The following SDK1 variants were observed in gnomAD, a reference collection of about 807,000 sequenced individuals.
The protein encoded by SDK1 is sidekick cell adhesion molecule 1, also known as protein sidekick-1.
A neutral mutation model predicts 245.5 loss-of-function variants in SDK1; 157 were observed. The observed-to-expected ratio is 0.64, with a 90% CI of 0.56 to 0.73. SDK1 has a LOEUF of 0.73. SDK1 is among the 30% of genes least tolerant of loss of function. SDK1 has a pLI of 0.00. For synonymous variants in SDK1, 1,647 were observed against 1,278.5 expected, an observed-to-expected ratio of 1.29 and a Z score of -6.15; for missense variants, 3,583 against 3,002.3, an observed-to-expected ratio of 1.19 and a Z score of -4.52.
At chr7:3,549,926 G>C (rs919071457) in intron 1 of SDK1, among the ~76,000 whole-genome samples, 3 of 152,038 alleles carry the variant, frequency 2.0e-5, no homozygotes, top group Admixed American at 2.0e-4. Flanking sequence ...GGTGCATGTG[G>C]CATGAAAATG....
At chr7:3,711,271 C>T (rs1027082404) in intron 4 of SDK1, among the ~76,000 whole-genome samples, 2 of 152,140 alleles carry the variant, frequency 1.3e-5, no homozygotes, top group East Asian at 1.9e-4. Flanking sequence ...ACTGTGCTAA[C>T]CATTATCTTT....
intron 5 of SDK1, among the ~76,000 whole-genome samples, chr7:3,926,777 T>C (rs1022341370): frequency 6.6e-6 from 1 of 152,248 alleles, no homozygotes; most frequent in African/African-American, 2.4e-5. Context: ...ACACAGGCTG[T>C]GGCATCTGCA....
At chr7:3,622,396 G>T (rs570941985) in intron 2 of SDK1, among the ~76,000 whole-genome samples, 67 of 152,226 alleles carry the variant, frequency 4.4e-4, no homozygotes, top group African/African-American at 1.6e-3. Context: ...CAGGAGAATC[G>T]CTTGAGCCCA....
intron 5 of SDK1, among the ~76,000 whole-genome samples, chr7:3,873,174 T>C (rs1179891580): frequency 6.6e-6 from 1 of 151,948 alleles, no homozygotes; most frequent in South Asian, 2.1e-4. Context: ...CTGAAAAGTC[T>C]TTCTTTCTCC....
chr7:3,404,439 A>C (rs1412997808), intron 1 of SDK1, among the ~76,000 whole-genome samples: 1 of 152,162 alleles, frequency 6.6e-6, no homozygotes, highest in Non-Finnish European at 1.5e-5. Context: ...AAACAAGTTA[A>C]TTTACTCTCA....
At chr7:3,509,220 A>C (rs1228113307) in intron 1 of SDK1, among the ~76,000 whole-genome samples, 1 of 152,184 alleles carries the variant, frequency 6.6e-6, no homozygotes, top group East Asian at 1.9e-4. Context: ...CTTGACCCCC[A>C]GGATACCACT....
In SDK1 at chr7:3,987,085, C is replaced by G; in HGVS notation, c.1995-101C>G. 4 of 1,185,972 alleles carry G rather than the reference C, an allele frequency of 3.4e-6. 1 individual carries two copies. The South Asian group carries it at 5.8e-5, about 17-fold the overall frequency. The allele number at this position is 1,185,972 out of a possible 1,614,324, so 73.5% of individuals were successfully genotyped here. A position where few individuals can be genotyped will look rare whatever the true frequency, so the allele number is the denominator to read the frequency against. On this transcript the variant is annotated intron_variant, in intron 13 of 44. Transcript: ENST00000404826. ...GGCATATTTTATGTTATTCATTTCC[C>G]AAACATGACACAGCAGGACGGTCTG...
intron 14 of SDK1, among the ~76,000 whole-genome samples, chr7:4,001,439 G>A (rs1583789422): frequency 6.6e-6 from 1 of 152,216 alleles, no homozygotes; most frequent in East Asian, 1.9e-4. Context: ...TCTGGCCTCG[G>A]TGGGCCACCT....
chr7:3,634,245 G>T (rs1782388769), intron 2 of SDK1, among the ~76,000 whole-genome samples: 1 of 152,168 alleles, frequency 6.6e-6, no homozygotes, highest in Admixed American at 6.5e-5. Context: ...ATCCTAGGTA[G>T]ACTGAAAATG....
At chr7:3,753,907 C>A (rs1779845450) in intron 4 of SDK1, among the ~76,000 whole-genome samples, 1 of 152,102 alleles carries the variant, frequency 6.6e-6, no homozygotes, top group Non-Finnish European at 1.5e-5. Flanking sequence ...TCAGCATTCT[C>A]TATAAAATAA....
At chr7:4,031,241 T>A (rs1787799260) in intron 17 of SDK1, among the ~76,000 whole-genome samples, 1 of 152,210 alleles carries the variant, frequency 6.6e-6, no homozygotes, top group Non-Finnish European at 1.5e-5. Context: ...AGTTATCAGA[T>A]AAAATCGGCT....
intron 1 of SDK1, among the ~76,000 whole-genome samples, chr7:3,510,026 T>C (rs981347622): frequency 6.6e-6 from 1 of 152,186 alleles, no homozygotes; most frequent in Non-Finnish European, 1.5e-5. Context: ...AGTTCAGATA[T>C]GCAGCCATGG....
chr7:3,815,043 A>G (rs1481975413), intron 4 of SDK1, among the ~76,000 whole-genome samples: 3 of 138,256 alleles, frequency 2.2e-5, no homozygotes, highest in Admixed American at 7.3e-5. Flanking sequence ...TAGATATACA[A>G]TCATGTCGTC....
chr7:4,008,544 A>AT (rs376716336), intron 14 of SDK1, among the ~76,000 whole-genome samples: 76 of 152,138 alleles, frequency 5.0e-4, no homozygotes, highest in African/African-American at 1.7e-3. Flanking sequence ...TGAACCTTTG[A>AT]TTTTTTTTAG....
chr7:3,336,046 T>C (rs748605464), intron 1 of SDK1, among the ~76,000 whole-genome samples: 1 of 152,118 alleles, frequency 6.6e-6, no homozygotes, highest in Non-Finnish European at 1.5e-5. Context: ...CCTCCATCCC[T>C]GAACCACCAG....
At chr7:3,656,964 G>A (rs1783205704) in intron 4 of SDK1, among the ~76,000 whole-genome samples, 1 of 151,618 alleles carries the variant, frequency 6.6e-6, no homozygotes, top group African/African-American at 2.4e-5. Flanking sequence ...AGCCAGGATG[G>A]TCTCAATCTC....
Position 3,974,526 on chromosome 7 carries a change from A to T in SDK1, c.1975A>T (p.Met659Leu). ...TTCTGAAGGAGGGAATGACTCCAGG[A>T]TGGCCCGGCTGGAAGTGATGTGAGT... ...IVSEGGNDSR[M>L]ARLEVIELPH... is the part of the protein sequence containing the mutation. The change falls in exon 13 of 45, where the codon ATG (methionine) becomes TTG (leucine). Residue 659 changes from methionine (M) to leucine (L), a missense_variant. Met to Leu is a conservative substitution (Grantham distance 15). Transcript: ENST00000404826. The T allele has an allele frequency of 1.9e-6, 3 of 1,614,152 alleles. No individual in the cohort carries two copies. Among genetic ancestry groups the T allele is most frequent in the Non-Finnish European group, 2.5e-6 (3 of 1,180,034 alleles).
chr7:3,331,237 C>A (rs931675837), intron 1 of SDK1, among the ~76,000 whole-genome samples: 2 of 152,160 alleles, frequency 1.3e-5, no homozygotes, highest in Admixed American at 1.3e-4. Flanking sequence ...GCACTCCAGT[C>A]TGGCAACAAA....
At chr7:3,500,590 A>G (rs1005273214) in intron 1 of SDK1, among the ~76,000 whole-genome samples, 2 of 152,030 alleles carry the variant, frequency 1.3e-5, no homozygotes, top group African/African-American at 4.8e-5. Flanking sequence ...TGTTTTCTCC[A>G]GTGTTTTGAA....
Sources: gnomAD v4.1 joint callset for allele counts (sites outside exome capture counted in the v4.1 genomes callset) on GRCh38, gnomAD v4.1.1 for gene constraint, MANE v1.5 for transcripts, NCBI Gene and HGNC (gene_info 2026-07-23, HGNC 2026-07-21) for gene names.